Variants in OPN3 observed in about 807,000 individuals in gnomAD.
OPN3 encodes the protein opsin-3.
Under a neutral mutation model 33.8 loss-of-function variants are expected in OPN3, and 29 were observed. The ratio of observed to expected loss-of-function variants is 0.86; its 90% CI spans 0.64 to 1.17. OPN3 has a LOEUF of 1.17. OPN3 is among the 50% of genes most tolerant of loss of function. OPN3 has a pLI of 0.00. For synonymous variants in OPN3, 216 were observed against 216.1 expected, an observed-to-expected ratio of 1.00 and a Z score of 0.00; for missense variants, 437 against 514.1, an observed-to-expected ratio of 0.85 and a Z score of 1.45.
At chr1:241,623,683 C>A (rs1644958104) in intron 1 of OPN3, among the ~76,000 whole-genome samples, 1 of 152,194 alleles carries the variant, frequency 6.6e-6, no homozygotes, top group African/African-American at 2.4e-5. Flanking sequence ...ATTTCTTTCC[C>A]TCTCTACCTA....
At chr1:241,606,235 G>A (rs1367752400) in intron 1 of OPN3, among the ~76,000 whole-genome samples, 1 of 152,118 alleles carries the variant, frequency 6.6e-6, no homozygotes, top group African/African-American at 2.4e-5. Flanking sequence ...AGGGGCGAGA[G>A]GAGTTAAAAG....
chr1:241,626,725 T>C (rs1415111868), intron 1 of OPN3, among the ~76,000 whole-genome samples: 2 of 152,192 alleles, frequency 1.3e-5, no homozygotes, highest in African/African-American at 2.4e-5. Flanking sequence ...ATAGTAATGA[T>C]AAAAAATAAA....
chr1:241,614,441 A>AT (rs925297042), intron 1 of OPN3, among the ~76,000 whole-genome samples: 3 of 151,940 alleles, frequency 2.0e-5, no homozygotes, highest in East Asian at 1.9e-4. Flanking sequence ...CATGCATTGC[A>AT]TTTTTTTTCT....
At chr1:241,597,144 A>T (rs961577994) in intron 3 of OPN3, among the ~76,000 whole-genome samples, 1 of 152,110 alleles carries the variant, frequency 6.6e-6, no homozygotes, top group Admixed American at 6.5e-5. Context: ...AAGTTTCTTG[A>T]ACCAAATTAA....
At chr1:241,634,359 A>C (rs763651268) in intron 1 of OPN3, 2 of 1,613,940 alleles carry the variant, frequency 1.2e-6, no homozygotes, top group South Asian at 2.2e-5. Context: ...TGCTGATCTA[A>C]ATCTGTCTTT....
At chr1:241,607,535 A>G (rs1663864624) in intron 1 of OPN3, among the ~76,000 whole-genome samples, 1 of 148,124 alleles carries the variant, frequency 6.8e-6, no homozygotes, top group African/African-American at 2.5e-5. Flanking sequence ...ACAGACAGAC[A>G]GAGAGCAAGA....
intron 1 of OPN3, among the ~76,000 whole-genome samples, chr1:241,610,878 A>G (rs1663971844): frequency 6.6e-6 from 1 of 152,160 alleles, no homozygotes; most frequent in African/African-American, 2.4e-5. Context: ...CAGAATCTCA[A>G]TTTGCTCACC....
chr1:241,623,024 TTTCA>T (rs1190385896), intron 1 of OPN3, among the ~76,000 whole-genome samples: 3 of 152,082 alleles, frequency 2.0e-5, no homozygotes, highest in Non-Finnish European at 4.4e-5. Flanking sequence ...ATCCCTGAGC[TTTCA>T]GAAGCCCAGG....
At chr1:241,624,692 T>C (rs1664364492) in intron 1 of OPN3, among the ~76,000 whole-genome samples, 1 of 152,160 alleles carries the variant, frequency 6.6e-6, no homozygotes, top group African/African-American at 2.4e-5. Context: ...AAAATTGAGA[T>C]AAAACGTGTG....
At chr1:241,606,703 G>A (rs573797609) in intron 1 of OPN3, among the ~76,000 whole-genome samples, 4 of 152,236 alleles carry the variant, frequency 2.6e-5, no homozygotes, top group South Asian at 2.1e-4. Context: ...CAATAAAATC[G>A]TGAGCTTCCT....
intron 3 of OPN3, among the ~76,000 whole-genome samples, chr1:241,597,279 C>T (rs959522292): frequency 1.3e-5 from 2 of 152,182 alleles, no homozygotes; most frequent in African/African-American, 4.8e-5. Flanking sequence ...AGGTTCAAAT[C>T]CTGGCACCAA....
At chr1:241,615,701 C>T (rs930702394) in intron 1 of OPN3, among the ~76,000 whole-genome samples, 4 of 152,182 alleles carry the variant, frequency 2.6e-5, no homozygotes, top group African/African-American at 9.7e-5. Context: ...ATTGACTGGA[C>T]TCTATTCGTG....
chr1:241,636,199 T>C lies in OPN3; in HGVS notation c.373+3683A>G, dbSNP rs373092001. On this transcript the variant is annotated intron_variant, in intron 1 of 3. Coordinates refer to ENST00000366554, the MANE Select transcript of OPN3 (RefSeq NM_014322.3). ...GGACATAAACCTCTACTAAAGCATGTCTTAAATGCTTTCTCACATATTTTC... is the reference window on the plus strand; with the variant it reads ...GGACATAAACCTCTACTAAAGCATGCCTTAAATGCTTTCTCACATATTTTC... 152 of 396,710 alleles carry C rather than the reference T, an allele frequency of 3.8e-4. 2 individuals carry two copies. The highest frequency in any genetic ancestry group is 2.9e-3 in the East Asian group (82 of 27,804). 24.6% of individuals were successfully genotyped at this position (396,710 alleles called of 1,614,324 possible).
At position 241,604,282 on chromosome 1, in the gene OPN3, T is replaced by C. The variant is rs1254646226; in HGVS notation, c.671A>G (p.His224Arg). ...PLGVIAHCYG[H>R]ILYSIRMLRC... ...CACCATTCGAATGGAATATAGAATATGGCCATAGCAATGGGCTATGACACC... is the reference window on the plus strand; with the variant it reads ...CACCATTCGAATGGAATATAGAATACGGCCATAGCAATGGGCTATGACACC... Residue 224 changes from histidine to arginine, a missense_variant, in exon 2 of 4, where the codon CAT (histidine) becomes CGT (arginine). His to Arg is a conservative substitution (Grantham distance 29). Transcript: ENST00000366554. The C allele has an allele frequency of 1.2e-6, 2 of 1,613,862 alleles. No homozygotes were observed. Among genetic ancestry groups the C allele is most frequent in the Non-Finnish European group, 8.5e-7 (1 of 1,179,824 alleles).
intron 1 of OPN3, among the ~76,000 whole-genome samples, chr1:241,608,208 A>G (rs538329979): frequency 2.6e-5 from 4 of 152,368 alleles, no homozygotes; most frequent in African/African-American, 9.6e-5. Flanking sequence ...CTCAGTACAA[A>G]TAATTGCACT....
At chr1:241,606,272 G>A (rs535497228) in intron 1 of OPN3, among the ~76,000 whole-genome samples, 48 of 152,288 alleles carry the variant, frequency 3.2e-4, no homozygotes, top group African/African-American at 9.9e-4. Context: ...GGCTGGGCAC[G>A]GTGGCTTATA....
At chr1:241,616,514 C>A (rs574233563) in intron 1 of OPN3, among the ~76,000 whole-genome samples, 1 of 152,022 alleles carries the variant, frequency 6.6e-6, no homozygotes. Flanking sequence ...ATTCTGTGTA[C>A]TTATGTCTTA....
chr1:241,606,578 T>TAAATA (rs1553354179), intron 1 of OPN3, among the ~76,000 whole-genome samples: 1 of 126,842 alleles, frequency 7.9e-6, no homozygotes, highest in East Asian at 2.1e-4. Flanking sequence ...AATAAATAAA[T>TAAATA]AAATAAATAA....
chr1:241,624,997 C>A (rs912222534), intron 1 of OPN3, among the ~76,000 whole-genome samples: 1 of 152,232 alleles, frequency 6.6e-6, no homozygotes, highest in East Asian at 1.9e-4. Flanking sequence ...CAACCATTGG[C>A]ATCCAGTTAG....
Sources: gnomAD v4.1 joint callset for allele counts (sites outside exome capture counted in the v4.1 genomes callset) on GRCh38, gnomAD v4.1.1 for gene constraint, MANE v1.5 for transcripts, NCBI Gene and HGNC (gene_info 2026-07-23, HGNC 2026-07-21) for gene names.